CATSPERT: variants seen among roughly 807,000 people sequenced by gnomAD.
CATSPERT encodes cation channel sperm-associated targeting subunit tau.
At chr2:201,580,148 G>T in the CATSPERT span, among the ~76,000 whole-genome samples, 8 of 152,104 alleles carry the variant, frequency 5.3e-5, no homozygotes, top group Non-Finnish European at 5.9e-5. Context: ...ACCCAGCCAG[G>T]TTAAACATTT....
chr2:201,603,031 G>GTCT, the CATSPERT span, among the ~76,000 whole-genome samples: 1 of 152,140 alleles, frequency 6.6e-6, no homozygotes, highest in African/African-American at 2.4e-5. Context: ...TAGCCCTTTT[G>GTCT]AACTGTCAGA....
chr2:201,595,791 G>A, the CATSPERT span, among the ~76,000 whole-genome samples: 24 of 152,170 alleles, frequency 1.6e-4, no homozygotes, highest in East Asian at 3.7e-3. Context: ...AGACACACAT[G>A]TGGCCAACAA....
the CATSPERT span, among the ~76,000 whole-genome samples, chr2:201,561,485 TTTAGG>T: frequency 6.6e-6 from 1 of 152,146 alleles, no homozygotes; most frequent in Non-Finnish European, 1.5e-5. Flanking sequence ...TCCATAATGT[TTTAGG>T]TTAGGTTAAG....
chr2:201,492,937 A>G, the CATSPERT span: 1 of 1,536,576 alleles, frequency 6.5e-7, no homozygotes, highest in Non-Finnish European at 8.7e-7. Flanking sequence ...TTCTAGAAAC[A>G]CACGCAACTT....
At chr2:201,529,055 A>G in the CATSPERT span, among the ~76,000 whole-genome samples, 1 of 152,184 alleles carries the variant, frequency 6.6e-6, no homozygotes, top group African/African-American at 2.4e-5. Flanking sequence ...AAGGAGGTAA[A>G]AGACTTCTAC....
At chr2:201,601,592 G>GA in the CATSPERT span, 5 of 690,810 alleles carry the variant, frequency 7.2e-6, no homozygotes, top group Non-Finnish European at 1.1e-5. Context: ...CCATGGTATA[G>GA]AAATAGAATA....
chr2:201,530,961 G>GTTTTT, the CATSPERT span, among the ~76,000 whole-genome samples: 20 of 106,044 alleles, frequency 1.9e-4, 5 homozygotes, highest in East Asian at 7.2e-4. Context: ...TTTTTTGTGG[G>GTTTTT]TTTTTTTTTT....
At chr2:201,603,239 G>A in the CATSPERT span, 1 of 1,611,492 alleles carries the variant, frequency 6.2e-7, no homozygotes, top group Non-Finnish European at 8.5e-7. Context: ...GGCATAAAAT[G>A]TCTGCAGTTC....
the CATSPERT span, among the ~76,000 whole-genome samples, chr2:201,598,211 C>T: frequency 6.6e-6 from 1 of 152,288 alleles, no homozygotes; most frequent in East Asian, 1.9e-4. Flanking sequence ...AAGCCATCCT[C>T]TGCCTCAGCC....
the CATSPERT span, chr2:201,536,031 G>A: frequency 3.7e-6 from 6 of 1,612,982 alleles, no homozygotes; most frequent in Admixed American, 1.0e-4. Flanking sequence ...CTCTGATAGA[G>A]ATGAGTCTGC....
chr2:201,506,220 T>C, the CATSPERT span, among the ~76,000 whole-genome samples: 2 of 152,130 alleles, frequency 1.3e-5, no homozygotes, highest in African/African-American at 4.8e-5. Context: ...TGAGCCGAGA[T>C]TGCGCCACTG....
the CATSPERT span, chr2:201,491,498 C>A: frequency 6.5e-7 from 1 of 1,536,126 alleles, no homozygotes; most frequent in Non-Finnish European, 8.7e-7. Context: ...TTGTATTGTG[C>A]AAATGTTACT....
chr2:201,521,575 C>A, the CATSPERT span, among the ~76,000 whole-genome samples: 1 of 152,172 alleles, frequency 6.6e-6, no homozygotes, highest in African/African-American at 2.4e-5. Flanking sequence ...TCCCACAAGT[C>A]CCCTTATCCA....
the CATSPERT span, among the ~76,000 whole-genome samples, chr2:201,517,909 A>G: frequency 2.4e-4 from 37 of 152,260 alleles, no homozygotes; most frequent in African/African-American, 8.7e-4. Flanking sequence ...TACTCAAGGT[A>G]ATAGCTACTT....
chr2:201,579,509 C>T, the CATSPERT span, among the ~76,000 whole-genome samples: 1 of 152,012 alleles, frequency 6.6e-6, no homozygotes, highest in Admixed American at 6.6e-5. Flanking sequence ...GTCTCAAACT[C>T]CTGGGCTAAA....
At chr2:201,530,882 G>T in the CATSPERT span, among the ~76,000 whole-genome samples, 5 of 151,886 alleles carry the variant, frequency 3.3e-5, no homozygotes, top group East Asian at 9.6e-4. Context: ...CATACAGTGC[G>T]GCCCAGGAGT....
At chr2:201,549,912 C>G in the CATSPERT span, 1 of 152,038 alleles carries the variant, frequency 6.6e-6, no homozygotes, top group African/African-American at 2.4e-5. Context: ...TCTTCCCCAA[C>G]TGTAAAAACC....
chr2:201,586,498 T>C, the CATSPERT span, among the ~76,000 whole-genome samples: 7 of 152,122 alleles, frequency 4.6e-5, no homozygotes, highest in Non-Finnish European at 8.8e-5. Flanking sequence ...TAACATTACA[T>C]ATATTAACTA....
chr2:201,575,159 T>C, the CATSPERT span: 1 of 745,074 alleles, frequency 1.3e-6, no homozygotes, highest in Non-Finnish European at 2.0e-6. Flanking sequence ...AAACAGTGAC[T>C]GGTATGGTAA....
Sources: gnomAD v4.1 joint callset for allele counts (sites outside exome capture counted in the v4.1 genomes callset) on GRCh38, gnomAD v4.1.1 for gene constraint, MANE v1.5 for transcripts, NCBI Gene and HGNC (gene_info 2026-07-23, HGNC 2026-07-21) for gene names.